The following SLC4A5 variants were observed in gnomAD, a reference collection of about 807,000 sequenced individuals.
SLC4A5 encodes electrogenic sodium bicarbonate cotransporter 4.
Under a neutral mutation model 120.4 loss-of-function variants are expected in SLC4A5, and 96 were observed. The ratio of observed to expected loss-of-function variants is 0.80; its 90% CI spans 0.68 to 0.94. The LOEUF is 0.94. SLC4A5 is among the 40% of genes least tolerant of loss of function. SLC4A5 has a pLI of 0.00. For missense variants in SLC4A5, 1,259 were observed against 1,459.5 expected (o/e 0.86, Z 2.24); for synonymous variants, 550 against 571.1 (o/e 0.96, Z 0.53).
intron 11 of SLC4A5, among the ~76,000 whole-genome samples, 169 bp downstream of exon 11, chr2:74,261,968 C>T (rs1440695376): frequency 6.6e-6 from 1 of 152,168 alleles, no homozygotes; most frequent in East Asian, 1.9e-4. Context: ...GTAAATGAGG[C>T]CCTGAGAGCA....
In SLC4A5 at chr2:74,267,425, TC is replaced by T. The variant is rs556880374; in HGVS notation, c.402-2162del. Among the ~76,000 whole-genome samples, 168 of 152,336 alleles carry T rather than the reference TC, an allele frequency of 1.1e-3. 1 individual carries two copies. Among genetic ancestry groups the T allele is most frequent in the African/African-American group, 3.8e-3 (158 of 41,578 alleles). On this transcript the variant is annotated intron_variant, in intron 8 of 30. Coordinates refer to ENST00000394019, the Ensembl canonical transcript of SLC4A5. ...GGTTTTCAGTAGAAGCATGATTACATCAATTCTGTATGTCCATGTTGTGGAA... is the reference window on the plus strand; with the variant it reads ...GGTTTTCAGTAGAAGCATGATTACATAATTCTGTATGTCCATGTTGTGGAA...
At chr2:74,221,312 G>A (rs1349207111) in intron 30 of SLC4A5, 122 bp downstream of exon 30, 1 of 654,118 alleles carries the variant, frequency 1.5e-6, no homozygotes, top group African/African-American at 1.8e-5. Flanking sequence ...CTCCCAGTTG[G>A]GGGCCAGCAA....
intron 8 of SLC4A5, among the ~76,000 whole-genome samples, chr2:74,275,883 C>T (rs1671623258): frequency 6.6e-6 from 1 of 152,170 alleles, no homozygotes; most frequent in African/African-American, 2.4e-5. Flanking sequence ...GGTCATGCAG[C>T]TCATAAGAGA....
At chr2:74,291,463 G>A (rs1024497980) in intron 7 of SLC4A5, among the ~76,000 whole-genome samples, 2 of 152,106 alleles carry the variant, frequency 1.3e-5, no homozygotes, top group Admixed American at 1.3e-4. Context: ...TTCATTTCAC[G>A]GATGAGAAAA....
intron 21 of SLC4A5, among the ~76,000 whole-genome samples, chr2:74,235,458 G>A (rs780185745): frequency 3.9e-5 from 6 of 152,300 alleles, no homozygotes; most frequent in South Asian, 2.1e-4. Context: ...TCCCTCAAAG[G>A]TGTAAGTGAA....
intron 12 of SLC4A5, among the ~76,000 whole-genome samples, chr2:74,256,354 G>T (rs1406812259): frequency 6.6e-6 from 1 of 152,192 alleles, no homozygotes; most frequent in African/African-American, 2.4e-5. Flanking sequence ...TGGTAGCTGT[G>T]GGGAGGAGGA....
intron 11 of SLC4A5, among the ~76,000 whole-genome samples, chr2:74,260,091 T>C (rs1553454626): frequency 1.3e-5 from 2 of 152,200 alleles, no homozygotes; most frequent in Non-Finnish European, 2.9e-5. Flanking sequence ...AAACATGGGC[T>C]GGGGATTTAG....
At chr2:74,312,758 T>C (rs72903268) in intron 6 of SLC4A5, among the ~76,000 whole-genome samples, 33,566 of 151,668 alleles carry the variant, frequency 0.22, 5,344 homozygotes, top group East Asian at 0.47. Context: ...CATGGCGAAA[T>C]CTCATCTCTA....
chr2:74,238,116 T>C (rs1029143159), intron 21 of SLC4A5, among the ~76,000 whole-genome samples: 2 of 151,516 alleles, frequency 1.3e-5, no homozygotes. Flanking sequence ...ATAATAATAA[T>C]AATAAAATAA....
intron 28 of SLC4A5, among the ~76,000 whole-genome samples, chr2:74,223,225 T>C (rs1694719584): frequency 6.6e-6 from 1 of 152,098 alleles, no homozygotes; most frequent in Non-Finnish European, 1.5e-5. Flanking sequence ...AGGCTGGTCT[T>C]GAACTCCTGA....
intron 19 of SLC4A5, among the ~76,000 whole-genome samples, chr2:74,244,005 T>C (rs931978011): frequency 6.6e-6 from 1 of 152,086 alleles, no homozygotes; most frequent in Non-Finnish European, 1.5e-5. Context: ...AGAGTGAGAG[T>C]ATACTATAGT....
In SLC4A5 at chr2:74,246,975, A is replaced by G; in HGVS notation, c.2059+61T>C. The G allele has an allele frequency of 5.7e-6, 9 of 1,582,924 alleles. No individual in the cohort carries two copies. The South Asian group carries it at 1.0e-4, about 18-fold the overall frequency. On this transcript the variant is annotated intron_variant, in intron 19 of 30. Transcript: ENST00000394019. ...GCAGTAGAAGTAGAGAGCTGTGGTG[A>G]AGGATCAGGGGGCCGGTGGGGTAGG...
chr2:74,297,494 G>A (rs1185163903), intron 7 of SLC4A5, among the ~76,000 whole-genome samples: 1 of 152,074 alleles, frequency 6.6e-6, no homozygotes. Flanking sequence ...AGACTCCAGG[G>A]TCTACACACC....
intron 7 of SLC4A5, among the ~76,000 whole-genome samples, chr2:74,299,540 G>A (rs1184220432): frequency 6.6e-6 from 1 of 152,108 alleles, no homozygotes; most frequent in Non-Finnish European, 1.5e-5. Context: ...AAATTACCCA[G>A]TCTCAGTTAT....
intron 14 of SLC4A5, among the ~76,000 whole-genome samples, chr2:74,254,039 T>C (rs1670877759): frequency 6.6e-6 from 1 of 152,194 alleles, no homozygotes; most frequent in African/African-American, 2.4e-5. Flanking sequence ...GGGGAAAAGT[T>C]ATCTCAGGGT....
At chr2:74,318,594 A>G (rs1673022879) in intron 5 of SLC4A5, among the ~76,000 whole-genome samples, 1 of 152,056 alleles carries the variant, frequency 6.6e-6, no homozygotes, top group Non-Finnish European at 1.5e-5. Flanking sequence ...GCTGAGGCAC[A>G]AGAATCACTT....
At chr2:74,303,906 G>A (rs1672553463) in intron 7 of SLC4A5, among the ~76,000 whole-genome samples, 1 of 149,970 alleles carries the variant, frequency 6.7e-6, no homozygotes, top group Admixed American at 6.6e-5. Context: ...CTGGAGTGCA[G>A]TGGCGGGATC....
chr2:74,326,727 A>G (rs988941722), intron 5 of SLC4A5, among the ~76,000 whole-genome samples: 1 of 152,104 alleles, frequency 6.6e-6, no homozygotes, highest in Non-Finnish European at 1.5e-5. Context: ...GCTGAGGCAC[A>G]GCAATTGCTT....
At chr2:74,238,080 T>C (rs555926169) in intron 21 of SLC4A5, among the ~76,000 whole-genome samples, 160 of 152,166 alleles carry the variant, frequency 1.1e-3, no homozygotes, top group Non-Finnish European at 1.8e-3. Flanking sequence ...CCCACCTGGG[T>C]GACAGAGTGA....
Sources: allele counts gnomAD v4.1 joint callset (sites outside exome capture counted in the v4.1 genomes callset), GRCh38; gene constraint gnomAD v4.1.1; transcripts MANE v1.5; gene names NCBI Gene and HGNC (gene_info 2026-07-23, HGNC 2026-07-21).